Variants in FAM163A observed in about 807,000 individuals in gnomAD.
The protein encoded by FAM163A is family with sequence similarity 163 member A.
In FAM163A, 7 loss-of-function variants were observed where a neutral mutation model predicts 12.0. That is an observed-to-expected ratio of 0.58 (90% confidence interval 0.33 to 1.10). The LOEUF (loss-of-function observed/expected upper bound fraction) is 1.10. Among genes scored for constraint, FAM163A ranks in the 50% least tolerant of loss-of-function variants. The pLI is 0.03. For synonymous variants in FAM163A, 101 were observed against 91.0 expected (o/e 1.11, Z -0.62); for missense variants, 202 against 218.6 (o/e 0.92, Z 0.48).
chr1:179,738,946 G>A (rs1683312270), upstream of FAM163A, among the ~76,000 whole-genome samples: 1 of 152,200 alleles, frequency 6.6e-6, no homozygotes, highest in Admixed American at 6.6e-5. Context: ...AATCAAGACT[G>A]TATGGTATTG....
chr1:179,759,501 G>T (rs1686500903), intron 1 of FAM163A, among the ~76,000 whole-genome samples: 1 of 152,158 alleles, frequency 6.6e-6, no homozygotes, highest in African/African-American at 2.4e-5. Flanking sequence ...ACAAGAAGGA[G>T]CCAGTCACAT....
intron 2 of FAM163A, among the ~76,000 whole-genome samples, chr1:179,811,576 G>A (rs1694709705): frequency 6.6e-6 from 1 of 152,242 alleles, no homozygotes; most frequent in African/African-American, 2.4e-5. Flanking sequence ...CACGCTGCTG[G>A]TCCACAGAGC....
intron 2 of FAM163A, among the ~76,000 whole-genome samples, chr1:179,808,777 G>A (rs988616069): frequency 6.6e-6 from 1 of 152,182 alleles, no homozygotes; most frequent in Non-Finnish European, 1.5e-5. Context: ...CCATCTCAGA[G>A]CCTGCCTGCC....
the FAM163A span, among the ~76,000 whole-genome samples, chr1:179,733,321 T>C: frequency 6.6e-6 from 1 of 152,318 alleles, no homozygotes; most frequent in South Asian, 2.1e-4. Context: ...CATTTGCCTA[T>C]TGACCATATT....
chr1:179,732,936 A>C, the FAM163A span, among the ~76,000 whole-genome samples: 2 of 150,360 alleles, frequency 1.3e-5, no homozygotes, highest in Non-Finnish European at 1.5e-5. Context: ...AGTCTCATGC[A>C]TCAGCGGTTC....
intron 1 of FAM163A, among the ~76,000 whole-genome samples, chr1:179,759,859 GT>G (rs1157666914): frequency 6.6e-6 from 1 of 152,078 alleles, no homozygotes. Flanking sequence ...TAGAGATGGG[GT>G]TTCACCACGT....
At chr1:179,749,622 C>T (rs758330423) in intron 1 of FAM163A, among the ~76,000 whole-genome samples, 2 of 152,192 alleles carry the variant, frequency 1.3e-5, no homozygotes, top group Non-Finnish European at 2.9e-5. Flanking sequence ...GAGGCCAAGG[C>T]AGGCGGATTG....
At chr1:179,755,922 C>T (rs1685959609) in intron 1 of FAM163A, among the ~76,000 whole-genome samples, 1 of 152,182 alleles carries the variant, frequency 6.6e-6, no homozygotes, top group East Asian at 1.9e-4. Flanking sequence ...GTCTTGCTGA[C>T]ACTGAGGATA....
intron 1 of FAM163A, among the ~76,000 whole-genome samples, chr1:179,753,035 A>G (rs1685501819): frequency 6.6e-6 from 1 of 152,240 alleles, no homozygotes; most frequent in African/African-American, 2.4e-5. Context: ...GCCAAGATGG[A>G]AACAACCATA....
upstream of FAM163A, among the ~76,000 whole-genome samples, chr1:179,740,356 T>C (rs948304384): frequency 2.0e-5 from 3 of 152,156 alleles, no homozygotes; most frequent in African/African-American, 7.2e-5. Flanking sequence ...TTTTTCATTT[T>C]TTTATGTAGA....
chr1:179,793,017 A>T (rs542032981), intron 1 of FAM163A, among the ~76,000 whole-genome samples: 1 of 142,762 alleles, frequency 7.0e-6, no homozygotes, highest in East Asian at 1.9e-4. Context: ...AATATCATGA[A>T]AAAAAAAAGG....
chr1:179,774,939 A>G (rs1557927835), intron 1 of FAM163A, among the ~76,000 whole-genome samples: 2 of 152,320 alleles, frequency 1.3e-5, no homozygotes, highest in East Asian at 3.9e-4. Flanking sequence ...CAAATTGTCC[A>G]GGTTCTTGAC....
At chr1:179,760,310 T>C (rs973524148) in intron 1 of FAM163A, among the ~76,000 whole-genome samples, 1 of 152,152 alleles carries the variant, frequency 6.6e-6, no homozygotes, top group Non-Finnish European at 1.5e-5. Context: ...GTATGCCCAA[T>C]GTGTAAGGCT....
chr1:179,738,448 C>T (rs1018487240), upstream of FAM163A, among the ~76,000 whole-genome samples: 6 of 151,908 alleles, frequency 3.9e-5, no homozygotes, highest in Non-Finnish European at 7.4e-5. Flanking sequence ...ATCAATTATA[C>T]CTCAATAAAG....
At chr1:179,757,358 C>T (rs1686170616) in intron 1 of FAM163A, among the ~76,000 whole-genome samples, 1 of 152,180 alleles carries the variant, frequency 6.6e-6, no homozygotes, top group South Asian at 2.1e-4. Context: ...GATTGAGCAG[C>T]AGGAGGAATC....
At position 179,814,095 on chromosome 1, in the gene FAM163A, T is replaced by G; in HGVS notation, c.410T>G (p.Leu137Arg). 4 of 1,614,082 alleles carry G rather than the reference T, an allele frequency of 2.5e-6. No individual in the cohort carries two copies. Among genetic ancestry groups the G allele is most frequent in the Non-Finnish European group, 3.4e-6 (4 of 1,179,988 alleles). The part of the protein sequence containing the change: ...TYYKEGGPPS[L>R]KLAAPQSYPV... Reference sequence around the variant, plus strand: ...TACAAAGAGGGGGGACCCCCATCCCTCAAATTGGCAGCACCCCAGAGTTAC... The same window carrying G: ...TACAAAGAGGGGGGACCCCCATCCCGCAAATTGGCAGCACCCCAGAGTTAC... The change falls in exon 5 of 5, where the codon CTC (leucine) becomes CGC (arginine). Residue 137 changes from leucine to arginine, a missense_variant. By Grantham distance (102) the Leu-to-Arg change is moderately radical (BLOSUM62 -2). Coordinates refer to ENST00000341785, the MANE Select transcript of FAM163A (RefSeq NM_173509.3).
intron 1 of FAM163A, among the ~76,000 whole-genome samples, chr1:179,798,454 G>A (rs7555987): frequency 6.6e-6 from 1 of 152,166 alleles, no homozygotes; most frequent in African/African-American, 2.4e-5. Context: ...AGTGGCTTCA[G>A]TGCAGCCCTG....
chr1:179,780,178 T>A (rs1165799309), intron 1 of FAM163A, among the ~76,000 whole-genome samples: 1 of 152,182 alleles, frequency 6.6e-6, no homozygotes, highest in Non-Finnish European at 1.5e-5. Flanking sequence ...ACTATGCAAA[T>A]GTATATTTAT....
intron 1 of FAM163A, among the ~76,000 whole-genome samples, chr1:179,783,876 AAAG>A (rs1226309904): frequency 3.4e-5 from 5 of 148,072 alleles, no homozygotes; most frequent in African/African-American, 9.9e-5. Context: ...ATTTAGTAAA[AAAG>A]AGAAACTAAA....
Sources: gnomAD v4.1 joint callset for allele counts (sites outside exome capture counted in the v4.1 genomes callset) on GRCh38, gnomAD v4.1.1 for gene constraint, MANE v1.5 for transcripts, NCBI Gene and HGNC (gene_info 2026-07-23, HGNC 2026-07-21) for gene names.